Variants in MKLN1 observed in about 807,000 individuals in gnomAD.
The protein encoded by MKLN1 is muskelin.
Under a neutral mutation model 99.0 loss-of-function variants are expected in MKLN1, and 18 were observed. That is an observed-to-expected ratio of 0.18 (90% CI 0.13 to 0.27). The LOEUF (loss-of-function observed/expected upper bound fraction) is 0.27. Among genes scored for constraint, MKLN1 ranks in the 10% least tolerant of loss-of-function variants. The pLI is 1.00. For synonymous variants in MKLN1, 288 were observed against 293.2 expected, an observed-to-expected ratio of 0.98 and a Z score of 0.18; for missense variants, 621 against 875.9, an observed-to-expected ratio of 0.71 and a Z score of 3.67.
At chr7:131,220,581 G>A (rs1464007695) in intron 3 of MKLN1, among the ~76,000 whole-genome samples, 1 of 152,174 alleles carries the variant, frequency 6.6e-6, no homozygotes, top group Non-Finnish European at 1.5e-5. Context: ...GGTTATTAAG[G>A]GTTTTGGAGT....
intron 2 of MKLN1, among the ~76,000 whole-genome samples, chr7:131,146,455 T>C (rs1327275477): frequency 6.6e-6 from 1 of 152,238 alleles, no homozygotes; most frequent in Non-Finnish European, 1.5e-5. Context: ...CCGAGGAGTT[T>C]ATCTCAAAGG....
At chr7:131,219,302 T>C (rs1476177064) in intron 3 of MKLN1, among the ~76,000 whole-genome samples, 4 of 152,164 alleles carry the variant, frequency 2.6e-5, no homozygotes, top group African/African-American at 7.2e-5. Flanking sequence ...ATGCCTGATA[T>C]AATAGTAGGC....
chr7:131,482,425 C>T (rs1797151286), intron 17 of MKLN1, among the ~76,000 whole-genome samples: 1 of 151,920 alleles, frequency 6.6e-6, no homozygotes, highest in African/African-American at 2.4e-5. Flanking sequence ...CAGGTTTGTC[C>T]TTTTTTGGTC....
At chr7:131,252,376 T>C (rs943576966) in intron 3 of MKLN1, among the ~76,000 whole-genome samples, 2 of 138,762 alleles carry the variant, frequency 1.4e-5, no homozygotes, top group African/African-American at 5.3e-5. Flanking sequence ...TCACCCAGGC[T>C]GGAGTGCAAT....
At chr7:131,248,418 G>A (rs1293719537) in intron 3 of MKLN1, among the ~76,000 whole-genome samples, 1 of 152,088 alleles carries the variant, frequency 6.6e-6, no homozygotes, top group African/African-American at 2.4e-5. Flanking sequence ...ATTGCCTTAT[G>A]GGTTCTTATA....
At chr7:131,180,974 G>T (rs987569583) in intron 2 of MKLN1, among the ~76,000 whole-genome samples, 6 of 152,152 alleles carry the variant, frequency 3.9e-5, no homozygotes, top group Non-Finnish European at 5.9e-5. Context: ...TGTCCCTCGT[G>T]CTCTCTCTCA....
intron 3 of MKLN1, among the ~76,000 whole-genome samples, chr7:131,271,582 A>G (rs1036304990): frequency 2.7e-5 from 4 of 148,634 alleles, no homozygotes; most frequent in African/African-American, 1.0e-4. Flanking sequence ...ATGCCACTGC[A>G]TTCCAGCCTG....
At chr7:131,227,968 C>A (rs1797182733) in intron 3 of MKLN1, among the ~76,000 whole-genome samples, 1 of 152,212 alleles carries the variant, frequency 6.6e-6, no homozygotes, top group Admixed American at 6.5e-5. Context: ...TTCTGTCCCC[C>A]AGTAGGGCCC....
intron 3 of MKLN1, among the ~76,000 whole-genome samples, chr7:131,275,859 T>G (rs1797964026): frequency 6.6e-6 from 1 of 152,078 alleles, no homozygotes; most frequent in Non-Finnish European, 1.5e-5. Flanking sequence ...GGTAGACAGC[T>G]GAAGGTGATG....
intron 2 of MKLN1, among the ~76,000 whole-genome samples, chr7:131,377,518 T>C (rs1354975104): frequency 1.3e-5 from 2 of 152,184 alleles, no homozygotes; most frequent in Non-Finnish European, 2.9e-5. Context: ...ATTTTAGTGC[T>C]CAAATTTTGG....
intron 2 of MKLN1, among the ~76,000 whole-genome samples, chr7:131,190,077 C>T (rs1302812183): frequency 6.6e-6 from 1 of 151,962 alleles, no homozygotes; most frequent in African/African-American, 2.4e-5. Context: ...AAGAGTACAC[C>T]TCAAAAATGT....
intron 1 of MKLN1, among the ~76,000 whole-genome samples, chr7:131,128,203 TTCA>T (rs1795492226): frequency 7.7e-6 from 1 of 129,802 alleles, no homozygotes. Context: ...TCGCCTCTGA[TTCA>T]AAAAAAAAAA....
chr7:131,336,028 G>A (rs1258675485), intron 1 of MKLN1, among the ~76,000 whole-genome samples: 1 of 151,290 alleles, frequency 6.6e-6, no homozygotes, highest in African/African-American at 2.4e-5. Flanking sequence ...ACAGAGAGAG[G>A]TGTCTTGAGG....
chr7:131,176,835 C>G (rs1233774535), intron 2 of MKLN1, among the ~76,000 whole-genome samples: 4 of 152,242 alleles, frequency 2.6e-5, no homozygotes, highest in Non-Finnish European at 5.9e-5. Flanking sequence ...AGCTAACCTT[C>G]TAGCCTGCTG....
chr7:131,364,146 A>G (rs1584653574), intron 1 of MKLN1, among the ~76,000 whole-genome samples: 1 of 152,146 alleles, frequency 6.6e-6, no homozygotes, highest in African/African-American at 2.4e-5. Flanking sequence ...AGATATTAAA[A>G]ATTGATTTAA....
intron 3 of MKLN1, among the ~76,000 whole-genome samples, chr7:131,272,323 A>T (rs1797898348): frequency 1.3e-5 from 2 of 152,258 alleles, no homozygotes; most frequent in South Asian, 4.1e-4. Flanking sequence ...AGCAAACAGT[A>T]TGTGCAAAGG....
In MKLN1 at chr7:131,398,057, A is replaced by G. The variant is rs78538820; in HGVS notation, c.510+681A>G. Among the ~76,000 whole-genome samples, 20 of 152,300 alleles carry G rather than the reference A, an allele frequency of 1.3e-4. No homozygotes were observed. In the East Asian group the frequency reaches 2.5e-3, roughly 19 times the overall value. On this transcript the variant is annotated intron_variant, in intron 5 of 17. Transcript: ENST00000352689. Reference sequence around the variant, plus strand: ...CTTTTATTAGTTAAGTCAGCTATCAACTGATTTGTTTCAAATCTTATACAT... The same window carrying G: ...CTTTTATTAGTTAAGTCAGCTATCAGCTGATTTGTTTCAAATCTTATACAT...
At chr7:131,276,333 A>C (rs1797974676) in intron 3 of MKLN1, among the ~76,000 whole-genome samples, 1 of 152,174 alleles carries the variant, frequency 6.6e-6, no homozygotes, top group African/African-American at 2.4e-5. Flanking sequence ...GTGCACTTGA[A>C]TCCAGAAAGA....
In MKLN1 at chr7:131,495,971, T is replaced by C. The variant is rs1797547728; in HGVS notation, c.*8243T>C. 6.6e-6 allele frequency: 1 copy of C among 152,204 alleles called. No homozygotes were observed. The highest frequency in any genetic ancestry group is 2.4e-5 in the African/African-American group (1 of 41,448). The allele number at this position is 152,204 out of a possible 1,614,324, so 9.4% of individuals were successfully genotyped here. On this transcript the variant is annotated 3_prime_UTR_variant, in exon 18 of 18. Coordinates refer to ENST00000352689, the MANE Select transcript of MKLN1 (RefSeq NM_013255.5). ...AAACTCACACTCAAAAAGGATGAGC[T>C]ATTGTCAAAAGCCAAAAGAAAAACA...
Sources: allele counts gnomAD v4.1 joint callset (sites outside exome capture counted in the v4.1 genomes callset), GRCh38; gene constraint gnomAD v4.1.1; transcripts MANE v1.5; gene names NCBI Gene and HGNC (gene_info 2026-07-23, HGNC 2026-07-21).